MACROD2: variants seen among roughly 807,000 people sequenced by gnomAD.
The protein encoded by MACROD2 is ADP-ribose glycohydrolase MACROD2.
A neutral mutation model predicts 70.4 loss-of-function variants in MACROD2; 36 were observed. The ratio of observed to expected loss-of-function variants is 0.51; its 90% CI spans 0.39 to 0.68. MACROD2 has a LOEUF of 0.68. Ranked by LOEUF, MACROD2 falls within the 30% of genes least tolerant of loss-of-function variation. The probability of loss-of-function intolerance (pLI) is 0.00; values close to 1 mark genes in which losing one functional copy is unlikely to be tolerated. For missense variants in MACROD2, 496 were observed against 538.4 expected (o/e 0.92, Z 0.78); for synonymous variants, 172 against 178.8 (o/e 0.96, Z 0.30).
Position 14,136,231 on chromosome 20 carries a change from A to C in MACROD2, c.271+50503A>C, listed in dbSNP as rs1221144291. Among the ~76,000 whole-genome samples the C allele has an allele frequency of 8.5e-5, 13 of 152,320 alleles. No individual in the cohort carries two copies. In the East Asian group the frequency reaches 2.5e-3, roughly 29 times the overall value. Reference sequence around the variant, plus strand: ...TTTCCAAGTGTTATTTTATTAAAAAAAACAACTCAAAATGGATCGTAGACT... The same window carrying C: ...TTTCCAAGTGTTATTTTATTAAAAACAACAACTCAAAATGGATCGTAGACT... On this transcript the variant is annotated intron_variant, in intron 3 of 17. Coordinates refer to ENST00000684519, the MANE Select transcript of MACROD2 (RefSeq NM_001351661.2).
intron 5 of MACROD2, among the ~76,000 whole-genome samples, chr20:15,016,130 T>C (rs1172463081): frequency 6.6e-6 from 1 of 152,214 alleles, no homozygotes; most frequent in Non-Finnish European, 1.5e-5. Context: ...CAGACTCTTG[T>C]TTCTAGACAA....
intron 8 of MACROD2, among the ~76,000 whole-genome samples, chr20:15,810,710 A>G (rs1023414597): frequency 1.3e-5 from 2 of 152,196 alleles, no homozygotes; most frequent in African/African-American, 4.8e-5. Context: ...CAGTAACCAA[A>G]ACAGCATGGT....
intron 10 of MACROD2, among the ~76,000 whole-genome samples, chr20:15,924,206 G>T (rs1271200492): frequency 6.6e-6 from 1 of 152,208 alleles, no homozygotes; most frequent in East Asian, 1.9e-4. Flanking sequence ...GAAGAAAGTG[G>T]TAGAAACACA....
chr20:14,008,646 A>T (rs1451925952), intron 2 of MACROD2, among the ~76,000 whole-genome samples: 2 of 152,214 alleles, frequency 1.3e-5, no homozygotes, highest in African/African-American at 4.8e-5. Context: ...ACCAAAAAAG[A>T]GCCCAAATAG....
intron 9 of MACROD2, among the ~76,000 whole-genome samples, chr20:15,870,372 A>G (rs2064562876): frequency 6.6e-6 from 1 of 152,092 alleles, no homozygotes; most frequent in Non-Finnish European, 1.5e-5. Flanking sequence ...TTCTAAATAT[A>G]TAGTAGGTGT....
intron 4 of MACROD2, among the ~76,000 whole-genome samples, chr20:14,638,029 GTTTT>G (rs200457672): frequency 6.7e-6 from 1 of 150,202 alleles, no homozygotes; most frequent in South Asian, 2.1e-4. Context: ...TTCTTTCTGG[GTTTT>G]TTTTTCTGTA....
intron 2 of MACROD2, among the ~76,000 whole-genome samples, chr20:14,026,070 G>A (rs1242406625): frequency 6.6e-6 from 1 of 152,134 alleles, no homozygotes; most frequent in Admixed American, 6.5e-5. Flanking sequence ...AGCTCTTCTT[G>A]TTGCATTGAT....
chr20:14,538,318 A>G (rs1017114782), intron 4 of MACROD2, among the ~76,000 whole-genome samples: 1 of 152,208 alleles, frequency 6.6e-6, no homozygotes, highest in Non-Finnish European at 1.5e-5. Flanking sequence ...CCTGGTCCTC[A>G]TGCCAGAAGG....
At chr20:16,027,092 A>T (rs149777419) in intron 15 of MACROD2, among the ~76,000 whole-genome samples, 5 of 151,924 alleles carry the variant, frequency 3.3e-5, no homozygotes, top group African/African-American at 1.2e-4. Flanking sequence ...CTTTCACTTA[A>T]TGCAGATGTG....
chr20:15,091,769 G>A (rs924486329), intron 5 of MACROD2, among the ~76,000 whole-genome samples: 3 of 152,040 alleles, frequency 2.0e-5, no homozygotes, highest in Admixed American at 2.0e-4. Context: ...AATAAAGAAA[G>A]TAATGTGGCT....
intron 2 of MACROD2, among the ~76,000 whole-genome samples, chr20:14,082,846 C>G (rs1009932066): frequency 6.6e-6 from 1 of 152,010 alleles, no homozygotes; most frequent in Non-Finnish European, 1.5e-5. Context: ...TGTCATTTAA[C>G]AATCGTTAAT....
chr20:14,052,680 C>T (rs1291636352), intron 2 of MACROD2, among the ~76,000 whole-genome samples: 4 of 151,976 alleles, frequency 2.6e-5, no homozygotes, highest in Non-Finnish European at 2.9e-5. Context: ...CTCACTGCAG[C>T]TTAAAAAATT....
chr20:14,167,831 G>A (rs2081184931), intron 3 of MACROD2, among the ~76,000 whole-genome samples: 1 of 152,090 alleles, frequency 6.6e-6, no homozygotes, highest in East Asian at 1.9e-4. Context: ...ACTTTACGAA[G>A]ACTCTCCTGT....
chr20:15,964,591 CA>C (rs1269803785), intron 12 of MACROD2, among the ~76,000 whole-genome samples: 1 of 152,082 alleles, frequency 6.6e-6, no homozygotes, highest in Non-Finnish European at 1.5e-5. Context: ...TGAATATATG[CA>C]TTTTCTTTCT....
chr20:15,272,425 A>G (rs1179063786), intron 6 of MACROD2, among the ~76,000 whole-genome samples: 1 of 152,230 alleles, frequency 6.6e-6, no homozygotes, highest in Non-Finnish European at 1.5e-5. Flanking sequence ...CTTGGAAGTT[A>G]TTCAAAAGAT....
At chr20:15,086,373 G>C (rs1174118369) in intron 5 of MACROD2, among the ~76,000 whole-genome samples, 1 of 152,044 alleles carries the variant, frequency 6.6e-6, no homozygotes, top group African/African-American at 2.4e-5. Context: ...CCCATCTCTA[G>C]AATAGAGCCG....
At chr20:15,255,884 G>C (rs2077195111) in intron 6 of MACROD2, among the ~76,000 whole-genome samples, 1 of 152,098 alleles carries the variant, frequency 6.6e-6, no homozygotes, top group South Asian at 2.1e-4. Flanking sequence ...ACTCAAAACT[G>C]GAACTGTATG....
intron 6 of MACROD2, among the ~76,000 whole-genome samples, chr20:15,333,442 A>C (rs1473904458): frequency 6.6e-6 from 1 of 151,580 alleles, no homozygotes; most frequent in African/African-American, 2.4e-5. Context: ...TGAAATGCAG[A>C]ATTGAGAGAA....
intron 3 of MACROD2, among the ~76,000 whole-genome samples, chr20:14,099,138 C>A (rs966076175): frequency 6.6e-5 from 10 of 152,010 alleles, no homozygotes; most frequent in African/African-American, 2.4e-4. Context: ...ATTAGCCGGG[C>A]GTGGTGGCAT....
Sources: allele counts gnomAD v4.1 joint callset (sites outside exome capture counted in the v4.1 genomes callset), GRCh38; gene constraint gnomAD v4.1.1; transcripts MANE v1.5; gene names NCBI Gene and HGNC (gene_info 2026-07-23, HGNC 2026-07-21).